Variants in PRKG1 observed in about 807,000 individuals in gnomAD.
The protein encoded by PRKG1 is protein kinase cGMP-dependent 1.
PRKG1 carries 35 observed loss-of-function variants against 88.1 expected under a neutral mutation model. That is an observed-to-expected ratio of 0.40 (90% CI 0.30 to 0.53). The LOEUF (loss-of-function observed/expected upper bound fraction) is 0.53, where lower values mean the gene tolerates loss of function less well. Among genes scored for constraint, PRKG1 ranks in the 20% least tolerant of loss-of-function variants. PRKG1 has a pLI of 0.59. For missense variants in PRKG1, 540 were observed against 839.8 expected, an observed-to-expected ratio of 0.64 and a Z score of 4.41; for synonymous variants, 303 against 292.5, an observed-to-expected ratio of 1.04 and a Z score of -0.37.
intron 9 of PRKG1, among the ~76,000 whole-genome samples, chr10:52,224,746 CT>C (rs1365130078): frequency 1.3e-5 from 2 of 148,284 alleles, no homozygotes; most frequent in African/African-American, 2.5e-5. Context: ...AGCCTCCAAT[CT>C]CATCCAGGTT....
intron 3 of PRKG1, among the ~76,000 whole-genome samples, chr10:51,723,573 T>C (rs1367995342): frequency 6.6e-6 from 1 of 152,014 alleles, no homozygotes; most frequent in Non-Finnish European, 1.5e-5. Flanking sequence ...TATATCTATG[T>C]AACCTGCATG....
intron 8 of PRKG1, among the ~76,000 whole-genome samples, chr10:52,139,820 TG>T (rs1402572293): frequency 1.3e-5 from 2 of 152,100 alleles, no homozygotes; most frequent in East Asian, 3.9e-4. Context: ...TCTCCAGGCA[TG>T]ACTCTATTAT....
chr10:51,486,216 T>C lies in PRKG1; in HGVS notation c.592+18380T>C, dbSNP rs964617066. ...CTTCATTTTGTGTAACTGAAACTTATGTCCCCTTTCACTGATACCTCTCCA... is the reference window on the plus strand; with the variant it reads ...CTTCATTTTGTGTAACTGAAACTTACGTCCCCTTTCACTGATACCTCTCCA... On this transcript the variant is annotated intron_variant, in intron 3 of 17. Transcript: ENST00000373980. Among the ~76,000 whole-genome samples, 4 of 152,170 alleles carry C rather than the reference T, an allele frequency of 2.6e-5. No homozygotes were observed. In the East Asian group the frequency reaches 7.7e-4, roughly 29 times the overall value.
intron 3 of PRKG1, among the ~76,000 whole-genome samples, chr10:51,563,364 C>T (rs1182333440): frequency 6.6e-6 from 1 of 151,990 alleles, no homozygotes; most frequent in Non-Finnish European, 1.5e-5. Context: ...TTATCCTGAT[C>T]CGATCACTAT....
chr10:51,797,822 C>G (rs931391242), intron 3 of PRKG1, among the ~76,000 whole-genome samples: 4 of 151,662 alleles, frequency 2.6e-5, no homozygotes, highest in African/African-American at 9.7e-5. Flanking sequence ...TTCCCAGCCC[C>G]CAGTAACTAC....
At position 51,351,326 on chromosome 10, in the gene PRKG1, A is replaced by G. The variant is rs956773083; in HGVS notation, c.479-116397A>G. Reference sequence around the variant, plus strand: ...ATTTCTGGTTCTAGATCTTTGAGGAATCGCCACACTGTCTTCCACAATGGT... The same window carrying G: ...ATTTCTGGTTCTAGATCTTTGAGGAGTCGCCACACTGTCTTCCACAATGGT... On this transcript the variant is annotated intron_variant, in intron 2 of 17. Coordinates refer to ENST00000373980, the MANE Select transcript of PRKG1 (RefSeq NM_006258.4). Among the ~76,000 whole-genome samples, 39 of 152,188 alleles carry G rather than the reference A, an allele frequency of 2.6e-4. 1 individual carries two copies. Among genetic ancestry groups the G allele is most frequent in the African/African-American group, 8.0e-4 (33 of 41,450 alleles).
chr10:51,982,794 CCAGCAGCAGCAGCAG>C (rs144357463), intron 5 of PRKG1, among the ~76,000 whole-genome samples: 2 of 151,828 alleles, frequency 1.3e-5, no homozygotes, highest in East Asian at 3.9e-4. Flanking sequence ...TTTATACATT[CCAGCAGCAGCAGCAG>C]CAGCAGCAGT....
At chr10:51,580,503 T>G (rs1838003399) in intron 3 of PRKG1, among the ~76,000 whole-genome samples, 1 of 152,122 alleles carries the variant, frequency 6.6e-6, no homozygotes, top group African/African-American at 2.4e-5. Context: ...AAAATTATTT[T>G]TCTGTGTTAA....
intron 2 of PRKG1, among the ~76,000 whole-genome samples, chr10:51,463,498 A>G (rs1839799382): frequency 6.6e-6 from 1 of 152,208 alleles, no homozygotes; most frequent in Admixed American, 6.5e-5. Context: ...AAAAGAAGAA[A>G]AAAAGACACA....
At chr10:52,183,647 T>G (rs1839105210) in intron 9 of PRKG1, among the ~76,000 whole-genome samples, 1 of 152,174 alleles carries the variant, frequency 6.6e-6, no homozygotes, top group Non-Finnish European at 1.5e-5. Context: ...GCCCCACTGC[T>G]GGATAAAAGT....
At chr10:52,103,672 G>T (rs1589608586) in intron 7 of PRKG1, among the ~76,000 whole-genome samples, 1 of 152,050 alleles carries the variant, frequency 6.6e-6, no homozygotes, top group South Asian at 2.1e-4. Flanking sequence ...GATATATGTG[G>T]ATTTTCTACT....
chr10:51,041,577 A>C (rs1203324244), intron 1 of PRKG1, among the ~76,000 whole-genome samples: 1 of 151,870 alleles, frequency 6.6e-6, no homozygotes, highest in Admixed American at 6.6e-5. Context: ...TCTTTAAGGC[A>C]GTAGGTTCCC....
chr10:51,284,701 T>C (rs1410763029), intron 2 of PRKG1, among the ~76,000 whole-genome samples: 1 of 152,094 alleles, frequency 6.6e-6, no homozygotes, highest in African/African-American at 2.4e-5. Flanking sequence ...ATCCCAACAA[T>C]TTCCTTACTT....
At chr10:51,908,263 T>TA (rs2132947448) in intron 5 of PRKG1, 1 of 152,350 alleles carries the variant, frequency 6.6e-6, no homozygotes, top group East Asian at 1.9e-4. Flanking sequence ...GAAATAGAGA[T>TA]ACATTGGTGG....
chr10:51,704,852 C>T (rs1009776948), intron 3 of PRKG1, among the ~76,000 whole-genome samples: 1 of 152,116 alleles, frequency 6.6e-6, no homozygotes, highest in African/African-American at 2.4e-5. Flanking sequence ...TTCACCACCC[C>T]CTGAAACATG....
intron 5 of PRKG1, among the ~76,000 whole-genome samples, chr10:51,989,182 T>C (rs1251532986): frequency 1.3e-5 from 2 of 152,050 alleles, no homozygotes; most frequent in African/African-American, 4.8e-5. Context: ...CACAGTTAAG[T>C]TGAATCATAG....
intron 9 of PRKG1, among the ~76,000 whole-genome samples, chr10:52,196,395 A>G (rs1041554873): frequency 3.3e-4 from 51 of 152,346 alleles, no homozygotes; most frequent in African/African-American, 1.2e-3. Flanking sequence ...CAAGAAATCT[A>G]TAATTCAAAA....
chr10:52,082,441 T>C (rs1023587350), intron 7 of PRKG1, among the ~76,000 whole-genome samples: 2 of 152,140 alleles, frequency 1.3e-5, no homozygotes, highest in South Asian at 4.1e-4. Flanking sequence ...GAGAGAAAGC[T>C]CTGGTGATTG....
chr10:51,225,940 A>G (rs1838681020), intron 2 of PRKG1, among the ~76,000 whole-genome samples: 1 of 152,176 alleles, frequency 6.6e-6, no homozygotes, highest in Non-Finnish European at 1.5e-5. Flanking sequence ...GCGATGGCTC[A>G]TGTTTGTAAT....
Sources: allele counts gnomAD v4.1 joint callset (sites outside exome capture counted in the v4.1 genomes callset), GRCh38; gene constraint gnomAD v4.1.1; transcripts MANE v1.5; gene names NCBI Gene and HGNC (gene_info 2026-07-23, HGNC 2026-07-21).